The following NPL variants were observed in gnomAD, a reference collection of about 807,000 sequenced individuals.
The protein encoded by NPL is N-acetylneuraminate pyruvate lyase.
NPL carries 32 observed loss-of-function variants against 41.1 expected under a neutral mutation model. The observed-to-expected ratio is 0.78, with a 90% CI of 0.59 to 1.05. The LOEUF (loss-of-function observed/expected upper bound fraction) is 1.05. Ranked by LOEUF, NPL falls within the 50% of genes least tolerant of loss-of-function variation. The probability of loss-of-function intolerance (pLI) is 0.00; values close to 1 mark genes in which losing one functional copy is unlikely to be tolerated. For missense variants in NPL, 321 were observed against 378.4 expected (o/e 0.85, Z 1.26); for synonymous variants, 128 against 134.9 (o/e 0.95, Z 0.35).
At chr1:182,803,997 A>AT (rs1040689406) in intron 4 of NPL, among the ~76,000 whole-genome samples, 2 of 152,192 alleles carry the variant, frequency 1.3e-5, no homozygotes, top group African/African-American at 4.8e-5. Flanking sequence ...TTAAGGTATT[A>AT]TTTTTTATCC....
chr1:182,806,293 T>C (rs2102542810), intron 5 of NPL, 61 bp downstream of exon 5: 2 of 1,608,430 alleles, frequency 1.2e-6, no homozygotes, highest in East Asian at 4.5e-5. Flanking sequence ...GTGAGCCTCT[T>C]CCCCAGAGGA....
At chr1:182,810,314 C>T (rs1667140006) in intron 5 of NPL, among the ~76,000 whole-genome samples, 1 of 152,188 alleles carries the variant, frequency 6.6e-6, no homozygotes, top group Admixed American at 6.5e-5. Context: ...GAACAAATAT[C>T]GCCTTTTGGC....
At chr1:182,822,492 G>C (rs1322076569) in intron 11 of NPL, among the ~76,000 whole-genome samples, 1 of 152,112 alleles carries the variant, frequency 6.6e-6, no homozygotes, top group East Asian at 1.9e-4. Context: ...ATAATAAAAT[G>C]GTCATAGATT....
intron 3 of NPL, among the ~76,000 whole-genome samples, chr1:182,797,138 A>G (rs900966933): frequency 6.6e-6 from 1 of 151,866 alleles, no homozygotes; most frequent in Admixed American, 6.6e-5. Flanking sequence ...CTCTCATGTC[A>G]TTGGGGATAT....
At chr1:182,801,518 T>C (rs537148519) in intron 3 of NPL, among the ~76,000 whole-genome samples, 10 of 152,300 alleles carry the variant, frequency 6.6e-5, no homozygotes, top group South Asian at 6.2e-4. Context: ...AAAAAGAGGA[T>C]GATACTAGAA....
At chr1:182,805,820 A>G (rs1287524928) in intron 4 of NPL, among the ~76,000 whole-genome samples, 2 of 152,212 alleles carry the variant, frequency 1.3e-5, no homozygotes, top group African/African-American at 4.8e-5. Flanking sequence ...TTTCCCTGCC[A>G]TTCAAGCCCA....
At chr1:182,817,983 G>C (rs1667382946) in intron 8 of NPL, among the ~76,000 whole-genome samples, 1 of 152,152 alleles carries the variant, frequency 6.6e-6, no homozygotes, top group African/African-American at 2.4e-5. Context: ...CTCCCCAGAG[G>C]CCAAGGGTGT....
intron 4 of NPL, among the ~76,000 whole-genome samples, chr1:182,804,862 A>G (rs1666959490): frequency 6.6e-6 from 1 of 152,316 alleles, no homozygotes; most frequent in Admixed American, 6.5e-5. Context: ...GCGCTAAGCC[A>G]TAGTGGAGAA....
chr1:182,803,899 TAACTAAAA>T lies in NPL; in HGVS notation c.142+129_142+136del, dbSNP rs1666928431. Reference sequence around the variant, plus strand: ...AGGTTATGATGGAGCCTGGCTAAGCTAACTAAAATTTGTGAATTTGTAGGCCCACCAAT... The same window carrying T: ...AGGTTATGATGGAGCCTGGCTAAGCTTTTGTGAATTTGTAGGCCCACCAAT... On this transcript the variant is annotated intron_variant, in intron 4 of 12. Transcript: ENST00000367553. The T allele has an allele frequency of 1.1e-5, 8 of 759,354 alleles. No homozygotes were observed. The South Asian group carries it at 1.2e-4, about 11-fold the overall frequency. The allele number at this position is 759,354 out of a possible 1,614,324, so 47.0% of individuals were successfully genotyped here. A position where few individuals can be genotyped will look rare whatever the true frequency, so the allele number is the denominator to read the frequency against.
At chr1:182,826,366 A>T (rs895485701) in intron 12 of NPL, 1 of 156,218 alleles carries the variant, frequency 6.4e-6, no homozygotes, top group Non-Finnish European at 1.4e-5. Flanking sequence ...AATCTTCTAT[A>T]ACAAATGACA....
At chr1:182,813,731 C>G (rs182379234) in intron 6 of NPL, among the ~76,000 whole-genome samples, 1 of 152,160 alleles carries the variant, frequency 6.6e-6, no homozygotes, top group Non-Finnish European at 1.5e-5. Flanking sequence ...ATAATAACAT[C>G]GGTATCTGCT....
chr1:182,812,303 T>C (rs1571444175), intron 6 of NPL, 90 bp downstream of exon 6: 3 of 1,122,004 alleles, frequency 2.7e-6, no homozygotes, highest in South Asian at 1.3e-5. Flanking sequence ...TGCTATGTAG[T>C]AGATGGTGTG....
At chr1:182,801,114 T>G (rs1455523700) in intron 3 of NPL, among the ~76,000 whole-genome samples, 1 of 152,140 alleles carries the variant, frequency 6.6e-6, no homozygotes, top group African/African-American at 2.4e-5. Context: ...TCAAACATAT[T>G]TAGAGTTAGC....
At chr1:182,798,515 G>T (rs1666741267) in intron 3 of NPL, among the ~76,000 whole-genome samples, 1 of 152,094 alleles carries the variant, frequency 6.6e-6, no homozygotes, top group African/African-American at 2.4e-5. Flanking sequence ...GGCATGAGCA[G>T]CTGCGCCAGC....
chr1:182,816,430 T>C lies in NPL; in HGVS notation c.365-284T>C, dbSNP rs534092758. Among the ~76,000 whole-genome samples, 8 of 152,342 alleles carry C rather than the reference T, an allele frequency of 5.3e-5. No individual in the cohort carries two copies. The East Asian group carries it at 1.5e-3, about 29-fold the overall frequency. ...CACATGATGGACTTGTTTTTCATGA[T>C]CATCTCTTAATATATGGGAAGGTTT... On this transcript the variant is annotated intron_variant, in intron 7 of 12. Coordinates refer to ENST00000367553, the MANE Select transcript of NPL (RefSeq NM_030769.3).
At position 182,828,628 on chromosome 1, in the gene NPL, T is replaced by C; in HGVS notation, c.779-96T>C. The stretch of plus-strand genomic sequence containing the variant: ...CTTTTGTTTTAATCTTACCCTGTTG[T>C]AGTAGTTGCTGTTAGCATATGATCT... On this transcript the variant is annotated intron_variant, in intron 12 of 12. Transcript: ENST00000367553. This position sits in a 1 kb window ranked among gnomAD's most constrained non-coding sequence, Gnocchi z 4.0. 3 of 1,467,444 alleles carry C rather than the reference T, an allele frequency of 2.0e-6. No homozygotes were observed. Among genetic ancestry groups the C allele is most frequent in the Non-Finnish European group, 2.8e-6 (3 of 1,057,610 alleles). 90.9% of individuals were successfully genotyped at this position (1,467,444 alleles called of 1,614,324 possible). A position where few individuals can be genotyped will look rare whatever the true frequency, so the allele number is the denominator to read the frequency against.
intron 1 of NPL, among the ~76,000 whole-genome samples, chr1:182,790,364 C>A (rs1557937211): frequency 6.6e-6 from 1 of 152,168 alleles, no homozygotes; most frequent in East Asian, 1.9e-4. Context: ...TATAAGATTT[C>A]AAGAGTAATA....
chr1:182,808,304 C>T (rs1371806522), intron 5 of NPL, among the ~76,000 whole-genome samples: 4 of 152,114 alleles, frequency 2.6e-5, no homozygotes, highest in Admixed American at 2.6e-4. Flanking sequence ...GTTATAATAA[C>T]TATTAGATGC....
chr1:182,800,727 T>C (rs1407215771), intron 3 of NPL, among the ~76,000 whole-genome samples: 2 of 110,762 alleles, frequency 1.8e-5, no homozygotes, highest in African/African-American at 1.0e-4. Flanking sequence ...AGCCCTGGCT[T>C]TTTTTTTTTT....
Sources: allele counts gnomAD v4.1 joint callset (sites outside exome capture counted in the v4.1 genomes callset), GRCh38; gene constraint gnomAD v4.1.1; non-coding constraint Gnocchi (gnomAD v3.1); transcripts MANE v1.5; gene names NCBI Gene and HGNC (gene_info 2026-07-23, HGNC 2026-07-21).